The following UTP20 variants were observed in gnomAD, a reference collection of about 807,000 sequenced individuals.
The protein encoded by UTP20 is UTP20 small subunit processome component, also known as small subunit processome component 20 homolog.
A neutral mutation model predicts 329.5 loss-of-function variants in UTP20; 164 were observed. That is an observed-to-expected ratio of 0.50 (90% CI 0.44 to 0.57). UTP20 has a LOEUF of 0.57. Among genes scored for constraint, UTP20 ranks in the 20% least tolerant of loss-of-function variants. UTP20 has a pLI of 0.00. For missense variants in UTP20, 3,055 were observed against 3,284.2 expected, an observed-to-expected ratio of 0.93 and a Z score of 1.71; for synonymous variants, 1,151 against 1,159.3, an observed-to-expected ratio of 0.99 and a Z score of 0.14.
At chr12:101,345,488 G>T in intron 36 of UTP20, 66 bp from the exon 37 acceptor site, 12 of 1,033,000 alleles carry the variant, frequency 1.2e-5, no homozygotes, top group South Asian at 7.1e-5. Context: ...GTTTTTTTCT[G>T]TTTCCTCATA....
At chr12:101,307,863 C>T (rs905096531) in intron 17 of UTP20, among the ~76,000 whole-genome samples, 1 of 152,094 alleles carries the variant, frequency 6.6e-6, no homozygotes, top group African/African-American at 2.4e-5. Context: ...ATGCAGATTA[C>T]TAGGAATAGA....
At chr12:101,299,390 A>G (rs1872455170) in intron 12 of UTP20, among the ~76,000 whole-genome samples, 2 of 152,238 alleles carry the variant, frequency 1.3e-5, no homozygotes, top group South Asian at 2.1e-4. Context: ...ATTGTCAATC[A>G]AAAACATGCC....
At chr12:101,335,588 C>T (rs1347218060) in intron 29 of UTP20, among the ~76,000 whole-genome samples, 1 of 152,230 alleles carries the variant, frequency 6.6e-6, no homozygotes, top group African/African-American at 2.4e-5. Context: ...CTTTGTGAAA[C>T]TCCATCTAAA....
At chr12:101,305,132 GTTTTCTGGA>G (rs1349448840) in intron 15 of UTP20, among the ~76,000 whole-genome samples, 1 of 151,448 alleles carries the variant, frequency 6.6e-6, no homozygotes, top group Non-Finnish European at 1.5e-5. Context: ...TTTTCCCCTG[GTTTTCTGGA>G]GAAAACCAGG....
chr12:101,369,950 G>C, intron 49 of UTP20, 59 bp downstream of exon 49: 1 of 1,530,080 alleles, frequency 6.5e-7, no homozygotes, highest in Non-Finnish European at 8.9e-7. Context: ...GCAATAGCTC[G>C]TACCTATAAT....
At chr12:101,315,703 T>C (rs1033372775) in intron 21 of UTP20, among the ~76,000 whole-genome samples, 2 of 152,232 alleles carry the variant, frequency 1.3e-5, no homozygotes, top group Non-Finnish European at 2.9e-5. Flanking sequence ...CTTTTTTTGC[T>C]TTGTTTTGAG....
chr12:101,299,538 C>T, intron 12 of UTP20, 144 bp from the exon 13 acceptor site: 1 of 628,224 alleles, frequency 1.6e-6, no homozygotes, highest in Non-Finnish European at 2.5e-6. Flanking sequence ...CAGTAAATGA[C>T]TCACATTTGT....
chr12:101,381,757 G>A (rs1484119542), intron 58 of UTP20, among the ~76,000 whole-genome samples: 2 of 152,028 alleles, frequency 1.3e-5, no homozygotes, highest in African/African-American at 2.4e-5. Flanking sequence ...GGTGACTCAC[G>A]CCTATAATCC....
intron 27 of UTP20, among the ~76,000 whole-genome samples, chr12:101,332,861 A>G (rs1232417020): frequency 2.6e-5 from 4 of 152,212 alleles, no homozygotes; most frequent in Admixed American, 6.5e-5. Context: ...ATAAATAGAA[A>G]AATGGCTTTT....
chr12:101,283,372 TTCAA>T (rs1252609220), intron 2 of UTP20, among the ~76,000 whole-genome samples: 9 of 152,194 alleles, frequency 5.9e-5, no homozygotes, highest in Non-Finnish European at 1.5e-5. Flanking sequence ...GCAGAATCTT[TTCAA>T]TAGAGTGAAG....
At position 101,345,649 on chromosome 12, in the gene UTP20, C is replaced by T. The variant is rs916540946; in HGVS notation, c.4701C>T (p.Tyr1567=). The change falls in exon 37 of 62, where the codon TAC becomes TAT. Residue 1567 remains tyrosine, a synonymous_variant. Coordinates refer to ENST00000261637, the MANE Select transcript of UTP20 (RefSeq NM_014503.3). ...EFKDLVQLTH[Y]HDPEMDFFEN... ...AAGACTTGGTACAACTTACTCATTA[C>T]CATGACCCAGAAATGGACTTCTTTG... The T allele has an allele frequency of 1.2e-6, 2 of 1,612,018 alleles. No homozygotes were observed. Among genetic ancestry groups the T allele is most frequent in the African/African-American group, 2.7e-5 (2 of 74,826 alleles).
At chr12:101,350,467 A>G (rs1046624876) in intron 38 of UTP20, among the ~76,000 whole-genome samples, 1 of 152,088 alleles carries the variant, frequency 6.6e-6, no homozygotes, top group African/African-American at 2.4e-5. Flanking sequence ...GTAATTTCTT[A>G]TTAGGTGCCA....
intron 35 of UTP20, among the ~76,000 whole-genome samples, chr12:101,343,497 T>C (rs1027965564): frequency 4.6e-5 from 7 of 152,180 alleles, no homozygotes; most frequent in Non-Finnish European, 8.8e-5. Context: ...GTGAATATAC[T>C]TAAAACCACT....
chr12:101,338,892 C>T lies in UTP20; in HGVS notation c.3948C>T (p.Ser1316=), dbSNP rs11110755. Reference sequence around the variant, plus strand: ...AGTATCTCAGCAAAACCACAATAAGCGCAGAAAAGGTGAAAAAGAAAAAGA... The same window carrying T: ...AGTATCTCAGCAAAACCACAATAAGTGCAGAAAAGGTGAAAAAGAAAAAGA... ...ILQYLSKTTI[S]AEKVKKKKNR... The change falls in exon 31 of 62, where the codon AGC becomes AGT. Residue 1316 remains serine, a synonymous_variant. Coordinates refer to ENST00000261637, the MANE Select transcript of UTP20 (RefSeq NM_014503.3). 59,802 of 1,610,598 alleles carry T rather than the reference C, an allele frequency of 0.037. 6,786 individuals are homozygous for T. In the East Asian group the frequency reaches 0.46, roughly 12 times the overall value.
At chr12:101,295,707 AAATGT>A in intron 12 of UTP20, 49 bp downstream of exon 12, 2 of 1,504,934 alleles carry the variant, frequency 1.3e-6, no homozygotes, top group African/African-American at 1.4e-5. Context: ...TTACCCATTT[AAATGT>A]AATGTATCAA....
At chr12:101,353,827 T>G (rs1173306702) in intron 40 of UTP20, among the ~76,000 whole-genome samples, 1 of 152,214 alleles carries the variant, frequency 6.6e-6, no homozygotes, top group Admixed American at 6.5e-5. Flanking sequence ...GCGTCACGAT[T>G]AAGTGAAAAG....
chr12:101,361,581 G>A (rs1179592767), intron 43 of UTP20, among the ~76,000 whole-genome samples: 2 of 151,776 alleles, frequency 1.3e-5, no homozygotes, highest in Non-Finnish European at 2.9e-5. Flanking sequence ...AGCCAAGATC[G>A]CACCATTGCA....
chr12:101,382,018 C>CAAAAA lies in UTP20; in HGVS notation c.7656+821_7656+825dup, dbSNP rs756789889. 5.8e-4 allele frequency among the ~76,000 whole-genome samples: 62 copies of CAAAAA among 107,192 alleles called. 1 individual carries two copies. Among genetic ancestry groups the CAAAAA allele is most frequent in the African/African-American group, 1.1e-3 (28 of 26,024 alleles). The allele number at this position is 107,192 out of a possible 152,430, so 70.3% of individuals were successfully genotyped here. ...TGGGCAACAGAGCTAGACTCTGTAT[C>CAAAAA]AAAAAAAAAAAAAAAAAAGAGAGAG... is the stretch of plus-strand genomic sequence containing the variant. On this transcript the variant is annotated intron_variant, in intron 58 of 61. Transcript: ENST00000261637.
chr12:101,342,926 T>C lies in UTP20; in HGVS notation c.4297-15T>C. On this transcript the variant is annotated splice_polypyrimidine_tract_variant and intron_variant, in intron 34 of 61. Transcript: ENST00000261637. ...TATGCCTTCTTTTATATAACTTCAATGGCATTTCTTATAGCTTAACGCCTT... is the reference window on the plus strand; with the variant it reads ...TATGCCTTCTTTTATATAACTTCAACGGCATTTCTTATAGCTTAACGCCTT... 2 of 1,610,508 alleles carry C rather than the reference T, an allele frequency of 1.2e-6. No individual in the cohort carries two copies. The highest frequency in any genetic ancestry group is 1.7e-6 in the Non-Finnish European group (2 of 1,179,016).
Sources: allele counts gnomAD v4.1 joint callset (sites outside exome capture counted in the v4.1 genomes callset), GRCh38; gene constraint gnomAD v4.1.1; transcripts MANE v1.5; gene names NCBI Gene and HGNC (gene_info 2026-07-23, HGNC 2026-07-21).